SGCZ: variants seen among roughly 807,000 people sequenced by gnomAD.
The protein encoded by SGCZ is zeta-sarcoglycan.
Under a neutral mutation model 41.3 loss-of-function variants are expected in SGCZ, and 40 were observed. That is an observed-to-expected ratio of 0.97 (90% CI 0.75 to 1.26). SGCZ has a LOEUF of 1.26. SGCZ is among the 50% of genes most tolerant of loss of function. The pLI is 0.00. For missense variants in SGCZ, 552 were observed against 369.8 expected (o/e 1.49, Z -4.04); for synonymous variants, 206 against 137.5 (o/e 1.50, Z -3.49).
chr8:15,218,973 G>T (rs1369376663), intron 1 of SGCZ, among the ~76,000 whole-genome samples: 2 of 152,154 alleles, frequency 1.3e-5, no homozygotes, highest in Non-Finnish European at 2.9e-5. Context: ...GAGAATGAGC[G>T]ATCACTGGGT....
intron 2 of SGCZ, among the ~76,000 whole-genome samples, chr8:14,479,369 C>G (rs144348016): frequency 6.6e-6 from 1 of 152,132 alleles, no homozygotes; most frequent in Non-Finnish European, 1.5e-5. Context: ...CTCTTTGCTC[C>G]GCCTGCTTTT....
intron 2 of SGCZ, among the ~76,000 whole-genome samples, chr8:14,393,503 T>C (rs1645536530): frequency 6.6e-6 from 1 of 152,200 alleles, no homozygotes; most frequent in Non-Finnish European, 1.5e-5. Context: ...CCACTCACTA[T>C]GTAAATGTCA....
intron 3 of SGCZ, among the ~76,000 whole-genome samples, chr8:14,241,726 T>A (rs886305004): frequency 6.6e-6 from 1 of 152,064 alleles, no homozygotes; most frequent in Non-Finnish European, 1.5e-5. Context: ...AGATAGGTGA[T>A]CCAGTTAGAA....
chr8:14,619,487 G>A (rs1180217710), intron 1 of SGCZ, among the ~76,000 whole-genome samples: 1 of 152,124 alleles, frequency 6.6e-6, no homozygotes, highest in Non-Finnish European at 1.5e-5. Flanking sequence ...ATTAGGAAAA[G>A]AAGAAGTCAA....
chr8:14,955,318 A>G (rs772533877), intron 1 of SGCZ, among the ~76,000 whole-genome samples: 48 of 152,304 alleles, frequency 3.2e-4, no homozygotes, highest in Non-Finnish European at 5.9e-4. Context: ...AGTCCATTGT[A>G]TAAGCCTATC....
chr8:14,702,847 A>AGAT (rs1809199633), intron 1 of SGCZ, among the ~76,000 whole-genome samples: 1 of 136,322 alleles, frequency 7.3e-6, no homozygotes, highest in African/African-American at 2.6e-5. Flanking sequence ...ATAGATAGAT[A>AGAT]GATAGATAGA....
At position 15,128,607 on chromosome 8, in the gene SGCZ, C is replaced by T. The variant is rs546383544; in HGVS notation, c.39+108978G>A. Among the ~76,000 whole-genome samples, 30 of 152,292 alleles carry T rather than the reference C, an allele frequency of 2.0e-4. No individual in the cohort carries two copies. In the South Asian group the frequency reaches 4.4e-3, roughly 22 times the overall value. ...TGGTGACAAGGTTGAATCTCAGAAGCGCCCTGTGATCCTGGAATACAGTAT... is the reference window on the plus strand; with the variant it reads ...TGGTGACAAGGTTGAATCTCAGAAGTGCCCTGTGATCCTGGAATACAGTAT... On this transcript the variant is annotated intron_variant, in intron 1 of 7. Coordinates refer to ENST00000382080, the MANE Select transcript of SGCZ (RefSeq NM_139167.4).
intron 3 of SGCZ, among the ~76,000 whole-genome samples, chr8:14,283,021 T>C (rs1237381039): frequency 6.6e-6 from 1 of 150,914 alleles, no homozygotes; most frequent in Non-Finnish European, 1.5e-5. Context: ...GGCTAATTTT[T>C]TGTATTTTTA....
chr8:14,946,005 CATATATATATATATATAT>C lies in SGCZ; in HGVS notation c.39+291562_39+291579del, dbSNP rs34647526. 7.5e-3 allele frequency among the ~76,000 whole-genome samples: 111 copies of C among 14,888 alleles called. 1 individual carries two copies. The highest frequency in any genetic ancestry group is 0.03 in the South Asian group (13 of 438). The allele number at this position is 14,888 out of a possible 152,430, so 9.8% of individuals were successfully genotyped here. A position where few individuals can be genotyped will look rare whatever the true frequency, so the allele number is the denominator to read the frequency against. Reference sequence around the variant, plus strand: ...AGCCAATTCCCCTACTAAATGTCCCCATATATATATATATATATATATATATATATATATATATATATA... The same window carrying C: ...AGCCAATTCCCCTACTAAATGTCCCCATATATATATATATATATATATATA... On this transcript the variant is annotated intron_variant, in intron 1 of 7. Coordinates refer to ENST00000382080, the MANE Select transcript of SGCZ (RefSeq NM_139167.4).
intron 1 of SGCZ, among the ~76,000 whole-genome samples, chr8:14,863,844 AG>A (rs1489903454): frequency 6.6e-6 from 1 of 151,908 alleles, no homozygotes; most frequent in Non-Finnish European, 1.5e-5. Context: ...TAATATACTC[AG>A]GGGGGCAATT....
At chr8:15,052,758 A>G (rs2130996054) in intron 1 of SGCZ, among the ~76,000 whole-genome samples, 1 of 152,308 alleles carries the variant, frequency 6.6e-6, no homozygotes, top group African/African-American at 2.4e-5. Context: ...TTGGAATGTC[A>G]AGTGGTTAAA....
intron 4 of SGCZ, among the ~76,000 whole-genome samples, chr8:14,197,705 T>C (rs1443885844): frequency 6.6e-6 from 1 of 152,084 alleles, no homozygotes; most frequent in African/African-American, 2.4e-5. Context: ...TCTAACATCA[T>C]ATTTAATATT....
intron 1 of SGCZ, among the ~76,000 whole-genome samples, chr8:15,226,468 T>C (rs896385167): frequency 9.9e-5 from 15 of 152,188 alleles, no homozygotes; most frequent in African/African-American, 2.7e-4. Flanking sequence ...ACTGAACATT[T>C]TAGTCATCAT....
At chr8:14,547,253 T>A (rs1396494811) in intron 2 of SGCZ, among the ~76,000 whole-genome samples, 1 of 152,162 alleles carries the variant, frequency 6.6e-6, no homozygotes, top group Non-Finnish European at 1.5e-5. Flanking sequence ...AGTATTACAT[T>A]TTTCAAGATG....
At position 14,178,400 on chromosome 8, in the gene SGCZ, C is replaced by T. The variant is rs189251840; in HGVS notation, c.425-13698G>A. Reference sequence around the variant, plus strand: ...CTTACTCAAAATTTTGGTCCATAGCCGTCATTAGATTACCTATTGAGGCTA... The same window carrying T: ...CTTACTCAAAATTTTGGTCCATAGCTGTCATTAGATTACCTATTGAGGCTA... On this transcript the variant is annotated intron_variant, in intron 4 of 7. Transcript: ENST00000382080. Among the ~76,000 whole-genome samples, 694 of 152,272 alleles carry T rather than the reference C, an allele frequency of 4.6e-3. 4 individuals carry two copies. Among genetic ancestry groups the T allele is most frequent in the Non-Finnish European group, 6.7e-3 (455 of 68,018 alleles).
intron 5 of SGCZ, among the ~76,000 whole-genome samples, chr8:14,157,861 G>A (rs1052660593): frequency 1.3e-5 from 2 of 152,094 alleles, no homozygotes; most frequent in Non-Finnish European, 2.9e-5. Flanking sequence ...TGAATAGTCT[G>A]ATTTCCTATA....
intron 1 of SGCZ, among the ~76,000 whole-genome samples, chr8:14,913,036 T>C (rs769463025): frequency 6.6e-6 from 1 of 152,034 alleles, no homozygotes; most frequent in African/African-American, 2.4e-5. Context: ...CTTTTCATAA[T>C]GCATGCTGTC....
chr8:15,107,739 A>G (rs1806887610), intron 1 of SGCZ, among the ~76,000 whole-genome samples: 1 of 152,066 alleles, frequency 6.6e-6, no homozygotes, highest in African/African-American at 2.4e-5. Flanking sequence ...AGTTCTCCAT[A>G]CCTCAATGTT....
intron 1 of SGCZ, among the ~76,000 whole-genome samples, chr8:15,203,909 T>A (rs1800976330): frequency 6.6e-6 from 1 of 152,230 alleles, no homozygotes; most frequent in African/African-American, 2.4e-5. Flanking sequence ...ATGTGTTATA[T>A]AGCTTTTGCC....
Sources: gnomAD v4.1 joint callset for allele counts (sites outside exome capture counted in the v4.1 genomes callset) on GRCh38, gnomAD v4.1.1 for gene constraint, MANE v1.5 for transcripts, NCBI Gene and HGNC (gene_info 2026-07-23, HGNC 2026-07-21) for gene names.